Variants in RRAS2 observed in about 807,000 individuals in gnomAD.
The protein encoded by RRAS2 is ras-related protein R-Ras2.
In RRAS2, 7 loss-of-function variants were observed where a neutral mutation model predicts 27.6. That is an observed-to-expected ratio of 0.25 (90% CI 0.14 to 0.48). The LOEUF is 0.48. RRAS2 is among the 20% of genes least tolerant of loss of function. The probability of loss-of-function intolerance (pLI) is 0.99; values close to 1 mark genes in which losing one functional copy is unlikely to be tolerated. For missense variants in RRAS2, 178 were observed against 256.2 expected (o/e 0.69, Z 2.08); for synonymous variants, 86 against 90.9 (o/e 0.95, Z 0.31).
In RRAS2 at chr11:14,359,075, G is replaced by C; in HGVS notation, c.-205C>G. 9.1e-7 allele frequency: 1 copy of C among 1,093,842 alleles called. No individual in the cohort carries two copies. Among genetic ancestry groups the C allele is most frequent in the Non-Finnish European group, 1.1e-6 (1 of 900,442 alleles). The allele number at this position is 1,093,842 out of a possible 1,614,324, so 67.8% of individuals were successfully genotyped here. On this transcript the variant is annotated 5_prime_UTR_variant, in exon 1 of 6. Coordinates refer to ENST00000256196, the MANE Select transcript of RRAS2 (RefSeq NM_012250.6). ...GGTACCGCCCGAGGCGCGGAGAAGC[G>C]GGGTGACGGCACGGGCCAGGGGCGG...
intron 1 of RRAS2, among the ~76,000 whole-genome samples, chr11:14,307,557 A>G (rs782264674): frequency 6.6e-6 from 1 of 152,006 alleles, no homozygotes; most frequent in Non-Finnish European, 1.5e-5. Flanking sequence ...AGATGAGACC[A>G]TTGAGGCTCA....
At chr11:14,330,727 C>T (rs1848466713) in intron 1 of RRAS2, among the ~76,000 whole-genome samples, 1 of 152,002 alleles carries the variant, frequency 6.6e-6, no homozygotes, top group African/African-American at 2.4e-5. Flanking sequence ...ATACTTTTAA[C>T]CACAGCTATA....
chr11:14,341,019 T>C (rs1489708250), intron 1 of RRAS2, among the ~76,000 whole-genome samples: 2 of 152,174 alleles, frequency 1.3e-5, no homozygotes, highest in Admixed American at 6.5e-5. Context: ...AGATGAACAA[T>C]GACCACGGCA....
intron 1 of RRAS2, among the ~76,000 whole-genome samples, chr11:14,356,208 G>T (rs1849069804): frequency 6.6e-6 from 1 of 151,986 alleles, no homozygotes; most frequent in African/African-American, 2.4e-5. Context: ...CTCCAAAAAG[G>T]CTCCTTTTTG....
intron 1 of RRAS2, among the ~76,000 whole-genome samples, chr11:14,351,504 A>G (rs1554954771): frequency 6.6e-6 from 1 of 152,196 alleles, no homozygotes; most frequent in African/African-American, 2.4e-5. Context: ...AGGCAGGTGG[A>G]TCACATAAGG....
intron 4 of RRAS2, among the ~76,000 whole-genome samples, chr11:14,291,986 G>A (rs1230383376): frequency 2.6e-5 from 4 of 152,164 alleles, no homozygotes; most frequent in African/African-American, 4.8e-5. Flanking sequence ...ATAGCCTAAA[G>A]ATAATTTTAT....
At chr11:14,361,532 A>G (rs1849191163), upstream of RRAS2, among the ~76,000 whole-genome samples, 1 of 152,236 alleles carries the variant, frequency 6.6e-6, no homozygotes, top group Non-Finnish European at 1.5e-5. Context: ...CCTGTCTCAA[A>G]AAAAAGTACA....
intron 1 of RRAS2, among the ~76,000 whole-genome samples, chr11:14,339,478 T>C (rs1356022247): frequency 6.6e-6 from 1 of 152,138 alleles, no homozygotes; most frequent in African/African-American, 2.4e-5. Flanking sequence ...AAAAGCCAAT[T>C]AGATCTTTCA....
intron 1 of RRAS2, among the ~76,000 whole-genome samples, chr11:14,355,667 TC>T (rs1246906031): frequency 2.0e-5 from 3 of 152,222 alleles, no homozygotes. Flanking sequence ...AATTCTCCGT[TC>T]CCAATTTTAT....
Position 14,358,537 on chromosome 11 carries a change from C to G in RRAS2, c.108+226G>C. ...CCAGCTCCGCCCTCCCGACCACATT[C>G]CTGAGAAGCCCTACTCCCGCGACGC... On this transcript the variant is annotated intron_variant, in intron 1 of 5. Transcript: ENST00000256196. This position sits in a 1 kb window ranked among gnomAD's most constrained non-coding sequence, Gnocchi z 5.1. 1.0e-6 allele frequency: 1 copy of G among 986,196 alleles called. No individual in the cohort carries two copies. Among genetic ancestry groups the G allele is most frequent in the Non-Finnish European group, 1.2e-6 (1 of 830,626 alleles). 61.1% of individuals were successfully genotyped at this position (986,196 alleles called of 1,614,324 possible). A position where few individuals can be genotyped will look rare whatever the true frequency, so the allele number is the denominator to read the frequency against.
At chr11:14,360,282 C>A (rs1222360145), upstream of RRAS2, among the ~76,000 whole-genome samples, 1 of 152,116 alleles carries the variant, frequency 6.6e-6, no homozygotes, top group Non-Finnish European at 1.5e-5. Flanking sequence ...CTTGGACACT[C>A]AGCCTAATCG....
At chr11:14,335,464 G>C (rs1217421734) in intron 1 of RRAS2, among the ~76,000 whole-genome samples, 2 of 152,130 alleles carry the variant, frequency 1.3e-5, no homozygotes, top group Non-Finnish European at 2.9e-5. Flanking sequence ...ATGACAAAAT[G>C]ACTTGCAATT....
Position 14,358,847 on chromosome 11 carries a change from G to A in RRAS2, c.24C>T (p.Asp8=). Residue 8 remains aspartate (D), a synonymous_variant, in exon 1 of 6, where the codon GAC becomes GAT. Transcript: ENST00000256196. This position sits in a 1 kb window ranked among gnomAD's most constrained non-coding sequence, Gnocchi z 5.1. ...GCCGGTACTTCTCCTGGCCGGAGCC[G>A]TCCCGCCAGCCGGCCGCGGCCATGG... The part of the protein sequence containing the change: MAAAGWR[D]GSGQEKYRLV... 1.4e-6 allele frequency: 2 copies of A among 1,477,758 alleles called. No homozygotes were observed. The highest frequency in any genetic ancestry group is 9.0e-7 in the Non-Finnish European group (1 of 1,107,462). 91.5% of individuals were successfully genotyped at this position (1,477,758 alleles called of 1,614,324 possible).
chr11:14,352,007 T>G (rs1376336089), intron 1 of RRAS2, among the ~76,000 whole-genome samples: 1 of 152,160 alleles, frequency 6.6e-6, no homozygotes, highest in Non-Finnish European at 1.5e-5. Flanking sequence ...CAAATGATTT[T>G]AAAAACCATA....
chr11:14,315,277 T>C (rs1437379289), intron 1 of RRAS2, among the ~76,000 whole-genome samples: 2 of 152,224 alleles, frequency 1.3e-5, no homozygotes, highest in African/African-American at 4.8e-5. Context: ...CAAATCACGC[T>C]GACAGCATGT....
chr11:14,333,984 T>C (rs1241819741), intron 1 of RRAS2, among the ~76,000 whole-genome samples: 1 of 152,236 alleles, frequency 6.6e-6, no homozygotes, highest in Non-Finnish European at 1.5e-5. Context: ...GTAATTTTAA[T>C]GACATGGACC....
At chr11:14,314,581 G>T (rs541182131) in intron 1 of RRAS2, among the ~76,000 whole-genome samples, 12 of 152,180 alleles carry the variant, frequency 7.9e-5, no homozygotes, top group African/African-American at 2.6e-4. Context: ...AAATAAAGAG[G>T]AACATCTAAC....
At chr11:14,353,677 C>T (rs1485796590) in intron 1 of RRAS2, among the ~76,000 whole-genome samples, 4 of 150,734 alleles carry the variant, frequency 2.7e-5, no homozygotes, top group Admixed American at 6.6e-5. Flanking sequence ...CAAACACACA[C>T]ACACAGAGAC....
At chr11:14,336,389 G>A (rs1343583226) in intron 1 of RRAS2, among the ~76,000 whole-genome samples, 1 of 151,844 alleles carries the variant, frequency 6.6e-6, no homozygotes, top group African/African-American at 2.4e-5. Context: ...ATGACAAAAA[G>A]ACAATCGACA....
Sources: allele counts gnomAD v4.1 joint callset (sites outside exome capture counted in the v4.1 genomes callset), GRCh38; gene constraint gnomAD v4.1.1; non-coding constraint Gnocchi (gnomAD v3.1); transcripts MANE v1.5; gene names NCBI Gene and HGNC (gene_info 2026-07-23, HGNC 2026-07-21).